Variants in MB21D2 observed in about 807,000 individuals in gnomAD.
MB21D2 encodes the protein Mab-21 domain containing 2, also known as nucleotidyltransferase MB21D2.
A neutral mutation model predicts 33.3 loss-of-function variants in MB21D2; 9 were observed. The ratio of observed to expected loss-of-function variants is 0.27; its 90% CI spans 0.16 to 0.47. MB21D2 has a LOEUF of 0.47. Ranked by LOEUF, MB21D2 falls within the 20% of genes least tolerant of loss-of-function variation. The probability of loss-of-function intolerance (pLI) is 0.99; values close to 1 mark genes in which losing one functional copy is unlikely to be tolerated. For missense variants in MB21D2, 540 were observed against 624.6 expected (o/e 0.86, Z 1.44); for synonymous variants, 241 against 236.3 (o/e 1.02, Z -0.18).
At chr3:192,914,066 C>G (rs1453098855) in intron 1 of MB21D2, among the ~76,000 whole-genome samples, 2 of 152,072 alleles carry the variant, frequency 1.3e-5, no homozygotes, top group Non-Finnish European at 2.9e-5. Flanking sequence ...TTTTTTAAAA[C>G]AAAGCCTTTC....
At chr3:192,891,583 C>T (rs1455085388) in intron 1 of MB21D2, among the ~76,000 whole-genome samples, 1 of 152,048 alleles carries the variant, frequency 6.6e-6, no homozygotes, top group Non-Finnish European at 1.5e-5. Context: ...AGTGTGATAC[C>T]AAATGAGGTT....
Position 192,807,334 on chromosome 3 carries a change from C to CA in MB21D2, c.212-7685dup, listed in dbSNP as rs34151496. Among the ~76,000 whole-genome samples, 519 of 129,200 alleles carry CA rather than the reference C, an allele frequency of 4.0e-3. 3 individuals carry two copies. Among genetic ancestry groups the CA allele is most frequent in the Middle Eastern group, 8.2e-3 (2 of 244 alleles). The allele number at this position is 129,200 out of a possible 152,430, so 84.8% of individuals were successfully genotyped here. A position where few individuals can be genotyped will look rare whatever the true frequency, so the allele number is the denominator to read the frequency against. ...TTCTGAAGGCTCATTCTTGAAAGGC[C>CA]AAAAAAAAAAAAAAAAAGTGAAGAG... On this transcript the variant is annotated intron_variant, in intron 1 of 1. Transcript: ENST00000392452.
chr3:192,872,969 C>T (rs1459957098), intron 1 of MB21D2, among the ~76,000 whole-genome samples: 1 of 151,164 alleles, frequency 6.6e-6, no homozygotes, highest in African/African-American at 2.4e-5. Flanking sequence ...TAGTGATACT[C>T]AGCAAAACAC....
rs185680141 is a variant in MB21D2, at chr3:192,813,447, C to T, written c.212-13797G>A. ...CATTCTGACTATAAGTGAATAAATA[C>T]ATTGAAGACTTCAGGAGCTCAGAAG... On this transcript the variant is annotated intron_variant, in intron 1 of 1. Coordinates refer to ENST00000392452, the MANE Select transcript of MB21D2 (RefSeq NM_178496.4). Among the ~76,000 whole-genome samples, 72 of 152,060 alleles carry T rather than the reference C, an allele frequency of 4.7e-4. 1 individual carries two copies. Among genetic ancestry groups the T allele is most frequent in the Admixed American group, 3.4e-3 (52 of 15,238 alleles).
chr3:192,841,755 A>G (rs922022104), intron 1 of MB21D2, among the ~76,000 whole-genome samples: 1 of 152,260 alleles, frequency 6.6e-6, no homozygotes, highest in South Asian at 2.1e-4. Context: ...TCTGTTACAC[A>G]GCAATAGGTA....
intron 1 of MB21D2, among the ~76,000 whole-genome samples, chr3:192,905,322 T>C (rs1714185873): frequency 6.6e-6 from 1 of 152,160 alleles, no homozygotes; most frequent in Non-Finnish European, 1.5e-5. Flanking sequence ...GGCGAGATCC[T>C]GTCTCTGCAA....
chr3:192,854,487 G>A (rs1712876140), intron 1 of MB21D2, among the ~76,000 whole-genome samples: 1 of 152,210 alleles, frequency 6.6e-6, no homozygotes, highest in Admixed American at 6.5e-5. Context: ...TAACATAGAA[G>A]TGCAAAGTGA....
At chr3:192,892,360 G>A (rs1445417066) in intron 1 of MB21D2, among the ~76,000 whole-genome samples, 1 of 152,226 alleles carries the variant, frequency 6.6e-6, no homozygotes, top group Non-Finnish European at 1.5e-5. Context: ...CCTAGGTTAT[G>A]ACCTTGCCTG....
intron 1 of MB21D2, among the ~76,000 whole-genome samples, chr3:192,830,272 G>T (rs1712286942): frequency 6.6e-6 from 1 of 151,004 alleles, no homozygotes; most frequent in Non-Finnish European, 1.5e-5. Context: ...GTGTGTGTGG[G>T]TGTCAAAGGG....
chr3:192,856,197 C>T (rs1352004636), intron 1 of MB21D2, among the ~76,000 whole-genome samples: 1 of 152,166 alleles, frequency 6.6e-6, no homozygotes, highest in Non-Finnish European at 1.5e-5. Context: ...TCAGAGGGGA[C>T]ACTCTGGTCT....
At chr3:192,822,532 C>G (rs58526872) in intron 1 of MB21D2, among the ~76,000 whole-genome samples, 9,689 of 152,180 alleles carry the variant, frequency 0.064, 454 homozygotes, top group East Asian at 0.13. Context: ...TAAGGTCCAC[C>G]ACGGGGAAGT....
At chr3:192,877,263 G>C (rs1286219479) in intron 1 of MB21D2, among the ~76,000 whole-genome samples, 1 of 152,064 alleles carries the variant, frequency 6.6e-6, no homozygotes, top group Non-Finnish European at 1.5e-5. Context: ...TATTTAAACT[G>C]TATTACCCTC....
intron 1 of MB21D2, among the ~76,000 whole-genome samples, chr3:192,805,980 T>C (rs1212597679): frequency 6.6e-6 from 1 of 152,206 alleles, no homozygotes; most frequent in Non-Finnish European, 1.5e-5. Context: ...ACATGTTAGA[T>C]GAAGGGAAAT....
chr3:192,883,203 C>T (rs562992668), intron 1 of MB21D2, among the ~76,000 whole-genome samples: 3 of 152,102 alleles, frequency 2.0e-5, no homozygotes, highest in South Asian at 2.1e-4. Context: ...AATCTTGTGC[C>T]GGTATTCTTC....
intron 1 of MB21D2, among the ~76,000 whole-genome samples, chr3:192,840,103 T>A (rs143098274): frequency 6.6e-6 from 1 of 152,304 alleles, no homozygotes; most frequent in East Asian, 1.9e-4. Flanking sequence ...AAAAGAGATA[T>A]CTTTAGCCAA....
intron 1 of MB21D2, among the ~76,000 whole-genome samples, chr3:192,895,082 G>A (rs577188097): frequency 2.0e-5 from 3 of 152,152 alleles, no homozygotes; most frequent in Non-Finnish European, 4.4e-5. Context: ...CTGGGTTGGG[G>A]GGGAGGGGGC....
At chr3:192,896,418 G>GTGGCTATTCACAAGTGTGA (rs11272541) in intron 1 of MB21D2, among the ~76,000 whole-genome samples, 1 of 151,862 alleles carries the variant, frequency 6.6e-6, no homozygotes, top group Admixed American at 6.6e-5. Context: ...CTGTTGTGCA[G>GTGGCTATTCACAAGTGTGA]TCATAGTACA....
At chr3:192,828,789 C>T (rs1712248419) in intron 1 of MB21D2, among the ~76,000 whole-genome samples, 1 of 150,428 alleles carries the variant, frequency 6.6e-6, no homozygotes, top group Non-Finnish European at 1.5e-5. Flanking sequence ...GCTAGGACTA[C>T]AGGCGCCCGC....
At chr3:192,855,587 T>C (rs1712899131) in intron 1 of MB21D2, among the ~76,000 whole-genome samples, 1 of 152,210 alleles carries the variant, frequency 6.6e-6, no homozygotes, top group African/African-American at 2.4e-5. Context: ...ATCATCTCCA[T>C]TTTACAAATA....
Sources: allele counts gnomAD v4.1 joint callset (sites outside exome capture counted in the v4.1 genomes callset), GRCh38; gene constraint gnomAD v4.1.1; transcripts MANE v1.5; gene names NCBI Gene and HGNC (gene_info 2026-07-23, HGNC 2026-07-21).